NOX4: variants seen among roughly 807,000 people sequenced by gnomAD.
NOX4 encodes NADPH oxidase 4, also known as kidney oxidase-1.
A neutral mutation model predicts 87.6 loss-of-function variants in NOX4; 69 were observed. The observed-to-expected ratio is 0.79, with a 90% CI of 0.65 to 0.96. The LOEUF is 0.96. Ranked by LOEUF, NOX4 falls within the 40% of genes least tolerant of loss-of-function variation. The pLI, the probability that NOX4 is intolerant of heterozygous loss-of-function variation, is 0.00. For missense variants in NOX4, 680 were observed against 681.5 expected (o/e 1.00, Z 0.02); for synonymous variants, 275 against 238.2 (o/e 1.15, Z -1.42).
At chr11:89,503,538 A>T in the NOX4 span, among the ~76,000 whole-genome samples, 1 of 151,822 alleles carries the variant, frequency 6.6e-6, no homozygotes, top group East Asian at 1.9e-4. Flanking sequence ...CTCAATAAGT[A>T]AAAAAATCAG....
At chr11:89,424,689 G>A (rs971872492) in intron 7 of NOX4, among the ~76,000 whole-genome samples, 1 of 151,862 alleles carries the variant, frequency 6.6e-6, no homozygotes, top group Non-Finnish European at 1.5e-5. Context: ...AAAATCAATT[G>A]AGATGAGAAA....
At chr11:89,587,307 A>T in the NOX4 span, among the ~76,000 whole-genome samples, 1 of 152,312 alleles carries the variant, frequency 6.6e-6, no homozygotes, top group South Asian at 2.1e-4. Flanking sequence ...CTATATAGGT[A>T]CATTAATTAA....
chr11:89,331,698 TA>T (rs1945479609), intron 17 of NOX4, among the ~76,000 whole-genome samples: 1 of 151,674 alleles, frequency 6.6e-6, no homozygotes, highest in Non-Finnish European at 1.5e-5. Context: ...AGGCCCTTGT[TA>T]AATACTTGAT....
the NOX4 span, among the ~76,000 whole-genome samples, chr11:89,542,381 T>C: frequency 6.6e-6 from 1 of 152,246 alleles, no homozygotes; most frequent in African/African-American, 2.4e-5. Flanking sequence ...CAGGGCACTC[T>C]GCTCAACTAA....
At chr11:89,568,917 T>C in the NOX4 span, among the ~76,000 whole-genome samples, 1 of 152,108 alleles carries the variant, frequency 6.6e-6, no homozygotes, top group Non-Finnish European at 1.5e-5. Flanking sequence ...CAATGGTAAA[T>C]GGACTCCCTA....
intron 8 of NOX4, among the ~76,000 whole-genome samples, chr11:89,415,786 G>A (rs1395939339): frequency 1.3e-5 from 2 of 152,034 alleles, no homozygotes; most frequent in African/African-American, 4.8e-5. Context: ...TAGAAACTAG[G>A]CATCTAGGAA....
chr11:89,509,461 C>T, the NOX4 span, among the ~76,000 whole-genome samples: 1 of 152,062 alleles, frequency 6.6e-6, no homozygotes, highest in South Asian at 2.1e-4. Context: ...TTCTTCAGTC[C>T]AGTGCTGCCC....
chr11:89,472,705 C>T (rs1363862318), intron 2 of NOX4, among the ~76,000 whole-genome samples: 2 of 152,256 alleles, frequency 1.3e-5, no homozygotes, highest in African/African-American at 4.8e-5. Flanking sequence ...CTTGTCTTTC[C>T]AGTGCCAAAA....
upstream of NOX4, among the ~76,000 whole-genome samples, chr11:89,502,306 C>T (rs1947031517): frequency 6.6e-6 from 1 of 152,046 alleles, no homozygotes; most frequent in African/African-American, 2.4e-5. Flanking sequence ...CATTTTGCAA[C>T]CTACTCAGGT....
chr11:89,495,139 G>T (rs1946934978), upstream of NOX4, among the ~76,000 whole-genome samples: 1 of 151,914 alleles, frequency 6.6e-6, no homozygotes, highest in Admixed American at 6.6e-5. Flanking sequence ...TTGTTTGTTT[G>T]GTTTTGTTTT....
intron 2 of NOX4, among the ~76,000 whole-genome samples, chr11:89,479,432 G>T (rs1039279398): frequency 6.6e-6 from 1 of 151,842 alleles, no homozygotes; most frequent in Non-Finnish European, 1.5e-5. Flanking sequence ...AGTCAGAAAG[G>T]CATTCCATAT....
chr11:89,423,514 C>T (rs932074149), intron 7 of NOX4, among the ~76,000 whole-genome samples: 5 of 152,078 alleles, frequency 3.3e-5, no homozygotes, highest in Non-Finnish European at 2.9e-5. Flanking sequence ...GGGCTTTTTA[C>T]TGACTTTGTC....
Position 89,490,309 on chromosome 11 carries a change from T to A in NOX4, c.153+149A>T, listed in dbSNP as rs573881709. The A allele has an allele frequency of 2.7e-4, 163 of 613,108 alleles. No homozygotes were observed. In the African/African-American group the frequency reaches 2.7e-3, roughly 10 times the overall value. The allele number at this position is 613,108 out of a possible 1,614,324, so 38.0% of individuals were successfully genotyped here. A position where few individuals can be genotyped will look rare whatever the true frequency, so the allele number is the denominator to read the frequency against. Reference sequence around the variant, plus strand: ...AACTTGTACAAGTGTAAATGATAAATCAGGAAAATGTGACCACTTTAGAGA... The same window carrying A: ...AACTTGTACAAGTGTAAATGATAAAACAGGAAAATGTGACCACTTTAGAGA... On this transcript the variant is annotated intron_variant, in intron 2 of 17. Transcript: ENST00000263317.
At chr11:89,560,990 C>CTATATATATA in the NOX4 span, among the ~76,000 whole-genome samples, 6 of 73,486 alleles carry the variant, frequency 8.2e-5, no homozygotes, top group African/African-American at 3.6e-4. Context: ...CTCTCTCTCT[C>CTATATATATA]TCTCTCTATA....
intron 7 of NOX4, among the ~76,000 whole-genome samples, chr11:89,425,099 G>C (rs1943303662): frequency 6.6e-6 from 1 of 151,866 alleles, no homozygotes; most frequent in South Asian, 2.1e-4. Context: ...TATACCTCAA[G>C]GATTTTAAAA....
intron 15 of NOX4, among the ~76,000 whole-genome samples, chr11:89,338,927 A>G (rs1036595255): frequency 6.6e-6 from 1 of 152,080 alleles, no homozygotes; most frequent in African/African-American, 2.4e-5. Context: ...GAATCTCAGA[A>G]CCTGATGCTG....
At chr11:89,584,662 C>T in the NOX4 span, among the ~76,000 whole-genome samples, 4 of 152,052 alleles carry the variant, frequency 2.6e-5, no homozygotes, top group Admixed American at 6.6e-5. Flanking sequence ...ATTTTATATT[C>T]TAAAAAGTAC....
chr11:89,579,418 T>C, the NOX4 span, among the ~76,000 whole-genome samples: 1 of 151,948 alleles, frequency 6.6e-6, no homozygotes. Flanking sequence ...AGAGAGTGTG[T>C]GGGAAATCTC....
chr11:89,499,469 C>G (rs977020014), upstream of NOX4, among the ~76,000 whole-genome samples: 1 of 152,118 alleles, frequency 6.6e-6, no homozygotes, highest in Non-Finnish European at 1.5e-5. Context: ...GAACTTGTTA[C>G]AGAAGAAGTT....
Sources: gnomAD v4.1 joint callset for allele counts (sites outside exome capture counted in the v4.1 genomes callset) on GRCh38, gnomAD v4.1.1 for gene constraint, MANE v1.5 for transcripts, NCBI Gene and HGNC (gene_info 2026-07-23, HGNC 2026-07-21) for gene names.